The following GRIN2C variants were observed in gnomAD, a reference collection of about 807,000 sequenced individuals.
GRIN2C encodes glutamate receptor ionotropic, NMDA 2C.
Under a neutral mutation model 77.7 loss-of-function variants are expected in GRIN2C, and 64 were observed. The observed-to-expected ratio is 0.82, with a 90% CI of 0.67 to 1.01. The LOEUF (loss-of-function observed/expected upper bound fraction) is 1.01, where lower values mean the gene tolerates loss of function less well. Among genes scored for constraint, GRIN2C ranks in the 50% least tolerant of loss-of-function variants. The pLI is 0.00. For missense variants in GRIN2C, 1,549 were observed against 1,486.0 expected, an observed-to-expected ratio of 1.04 and a Z score of -0.70; for synonymous variants, 792 against 643.4, an observed-to-expected ratio of 1.23 and a Z score of -3.49.
At chr17:74,851,216 C>G (rs2037632920) in intron 4 of GRIN2C, 1 of 313,688 alleles carries the variant, frequency 3.2e-6, no homozygotes, top group Non-Finnish European at 6.0e-6. Flanking sequence ...TCCTCATCTC[C>G]AATCCCACAA....
At position 74,842,719 on chromosome 17, in the gene GRIN2C, C is replaced by T. The variant is rs1356695309; in HGVS notation, c.3418G>A (p.Ala1140Thr). 1.4e-6 allele frequency: 1 copy of T among 709,848 alleles called. No individual in the cohort carries two copies. Among genetic ancestry groups the T allele is most frequent in the Admixed American group, 2.0e-5 (1 of 49,692 alleles). 44.0% of individuals were successfully genotyped at this position (709,848 alleles called of 1,614,324 possible). ...TGCTGTCTGTGCTGCCAGGCGGGGG[C>T]CCCTGCCTGCTCGCCCTCCTGGCAG... ...EACQEGEQAG[A>T]PAWQHRQHVC... Residue 1140 changes from alanine (A) to threonine (T), a missense_variant, in exon 13 of 13, where the codon GCC becomes ACC. Ala to Thr is a moderately conservative substitution (Grantham distance 58). This residue lies in a region of GRIN2C where 450 missense variants were observed against 267.9 expected (regional missense o/e 1.68). Coordinates refer to ENST00000293190, the MANE Select transcript of GRIN2C (RefSeq NM_000835.6).
rs1211194699 is a variant in GRIN2C, at chr17:74,854,690, G to T, written c.399+4C>A. 2 of 1,601,408 alleles carry T rather than the reference G, an allele frequency of 1.2e-6. No homozygotes were observed. Among genetic ancestry groups the T allele is most frequent in the Admixed American group, 3.3e-5 (2 of 59,704 alleles). ...CACGAGGGGACATGAGTTTGGACAT[G>T]CACCTTGGGGGTGAGGACCACAGCA... On this transcript the variant is annotated splice_donor_region_variant and intron_variant, in intron 2 of 12. Transcript: ENST00000293190.
intron 3 of GRIN2C, 129 bp from the exon 4 acceptor site, chr17:74,851,820 C>T: frequency 1.4e-6 from 1 of 711,006 alleles, no homozygotes; most frequent in Non-Finnish European, 2.5e-6. Context: ...CTATATTGGC[C>T]CCACGATCCT....
Position 74,846,951 on chromosome 17 carries a change from C to T in GRIN2C, c.2002-31G>A. The T allele has an allele frequency of 6.3e-7, 1 of 1,588,426 alleles. No homozygotes were observed. Among genetic ancestry groups the T allele is most frequent in the Non-Finnish European group, 8.6e-7 (1 of 1,165,520 alleles). On this transcript the variant is annotated intron_variant, in intron 9 of 12. Transcript: ENST00000293190. The surrounding 1 kb of genome is among the most constrained non-coding windows in gnomAD (Gnocchi z 4.4). ...GGCGGAGGGCAGCAGCCAGTCACAA[C>T]CCTTCCTCCAGCCTTCCAGGCACCA... is the stretch of plus-strand genomic sequence containing the variant.
chr17:74,847,270 GT>G lies in GRIN2C; in HGVS notation c.2001+37del. Reference sequence around the variant, plus strand: ...CACTCACGGCCTGTCCCCACCCTCAGTGCCCCCCCCCACCCCCAGCAGCTAT... The same window carrying G: ...CACTCACGGCCTGTCCCCACCCTCAGGCCCCCCCCCACCCCCAGCAGCTAT... On this transcript the variant is annotated intron_variant, in intron 9 of 12. Coordinates refer to ENST00000293190, the MANE Select transcript of GRIN2C (RefSeq NM_000835.6). This position sits in a 1 kb window ranked among gnomAD's most constrained non-coding sequence, Gnocchi z 5.2. 3.2e-6 allele frequency: 2 copies of G among 625,008 alleles called. No homozygotes were observed. The highest frequency in any genetic ancestry group is 5.8e-6 in the Non-Finnish European group (2 of 342,006). The allele number at this position is 625,008 out of a possible 1,614,324, so 38.7% of individuals were successfully genotyped here.
At chr17:74,853,217 G>C (rs534353) in intron 2 of GRIN2C, 111,104 of 152,134 alleles carry the variant, frequency 0.73, 40,798 homozygotes, top group Admixed American at 0.79. Context: ...ACCGGGGCCA[G>C]CGCAGTCCCC....
chr17:74,854,791 GTGTCCACGT>G lies in GRIN2C; in HGVS notation c.293_301del (p.Asn98_Asp100del). ...GTCAAGGATCTGGGCCACCGCCTCG[GTGTCCACGT>G]TGTCCTCAAAGACAATGCCGTGGAC... is the stretch of plus-strand genomic sequence containing the variant. On this transcript the variant is annotated inframe_deletion, in exon 2 of 13. Coordinates refer to ENST00000293190, the MANE Select transcript of GRIN2C (RefSeq NM_000835.6). The G allele has an allele frequency of 6.2e-7, 1 of 1,613,822 alleles. No homozygotes were observed. Among genetic ancestry groups the G allele is most frequent in the Non-Finnish European group, 8.5e-7 (1 of 1,179,728 alleles).
Position 74,844,329 on chromosome 17 carries a change from G to A in GRIN2C, c.2530C>T (p.Arg844Cys), listed in dbSNP as rs765344638. 2.9e-5 allele frequency: 46 copies of A among 1,613,964 alleles called. No individual in the cohort carries two copies. Among genetic ancestry groups the A allele is most frequent in the South Asian group, 4.4e-5 (4 of 91,086 alleles). The change falls in exon 12 of 13, where the codon CGC (arginine) becomes TGC (cysteine). Residue 844 changes from arginine to cysteine, a missense_variant. By Grantham distance (180) the Arg-to-Cys change is radical. Coordinates refer to ENST00000293190, the MANE Select transcript of GRIN2C (RefSeq NM_000835.6). ...TGGGATGAGTTGGGCACCGAGTGGC[G>A]CAGCTTCCAGTAGACCAGGTGCTCC... ...AWEHLVYWKL[R>C]HSVPNSSQLD...
Position 74,859,155 on chromosome 17 carries a change from A to G in GRIN2C, c.-16+589T>C, listed in dbSNP as rs1238793525. The stretch of plus-strand genomic sequence containing the variant: ...TCCTTGAGGGCAGACACATTGTCTC[A>G]GAGACCTCTGCCCACCCACCCACTC... On this transcript the variant is annotated intron_variant, in intron 1 of 12. Transcript: ENST00000293190. This position sits in a 1 kb window ranked among gnomAD's most constrained non-coding sequence, Gnocchi z 5.9. 6.6e-6 allele frequency among the ~76,000 whole-genome samples: 1 copy of G among 152,162 alleles called. No homozygotes were observed. Among genetic ancestry groups the G allele is most frequent in the African/African-American group, 2.4e-5 (1 of 41,440 alleles).
At position 74,846,040 on chromosome 17, in the gene GRIN2C, G is replaced by C. The variant is rs2037444497; in HGVS notation, c.2350+26C>G. 1.2e-6 allele frequency: 2 copies of C among 1,607,044 alleles called. No individual in the cohort carries two copies. Among genetic ancestry groups the C allele is most frequent in the South Asian group, 2.2e-5 (2 of 90,914 alleles). ...ACCTTGGGCTCCACAGCCCACCCTG[G>C]GCATCCCAGCAATGGCAGTACCCAC... On this transcript the variant is annotated intron_variant, in intron 11 of 12. Transcript: ENST00000293190. This position sits in a 1 kb window ranked among gnomAD's most constrained non-coding sequence, Gnocchi z 4.4.
chr17:74,843,606 C>G (rs374622625), intron 12 of GRIN2C, 53 bp from the exon 13 acceptor site: 65 of 1,521,778 alleles, frequency 4.3e-5, no homozygotes, highest in Non-Finnish European at 5.3e-5. Context: ...CTCAGGGACC[C>G]GCCACGATTG....
chr17:74,850,092 G>A lies in GRIN2C; in HGVS notation c.1491+114C>T, dbSNP rs2037587714. On this transcript the variant is annotated intron_variant, in intron 6 of 12. Transcript: ENST00000293190. The surrounding 1 kb of genome is among the most constrained non-coding windows in gnomAD (Gnocchi z 5.3). ...GCTTTCAGTACTGACCACCCCAGGA[G>A]TCATCATTGGTGACAGCCCATGCCC... The A allele has an allele frequency of 2.2e-6, 3 of 1,363,548 alleles. No homozygotes were observed. Among genetic ancestry groups the A allele is most frequent in the East Asian group, 4.6e-5 (2 of 43,656 alleles). The allele number at this position is 1,363,548 out of a possible 1,614,324, so 84.5% of individuals were successfully genotyped here.
At chr17:74,853,295 G>T (rs1188498188) in intron 2 of GRIN2C, 1 of 152,160 alleles carries the variant, frequency 6.6e-6, no homozygotes, top group Non-Finnish European at 1.5e-5. Flanking sequence ...AAATTCAGAG[G>T]CCAAGCAACG....
Position 74,852,285 on chromosome 17 carries a change from C to T in GRIN2C, c.726G>A (p.Gln242=). 2.1e-6 allele frequency: 3 copies of T among 1,420,778 alleles called. No individual in the cohort carries two copies. Among genetic ancestry groups the T allele is most frequent in the Non-Finnish European group, 2.7e-6 (3 of 1,094,432 alleles). The allele number at this position is 1,420,778 out of a possible 1,614,324, so 88.0% of individuals were successfully genotyped here. ...EAEVLFAEAA[Q]AGLVGPGHVW... ...CGTGGCCGGGCCCCACCAGACCGGC[C>T]TGCGCCGCCTCGGCGAAGAGCACCT... Residue 242 remains glutamine, a synonymous_variant, in exon 3 of 13, where the codon CAG becomes CAA. Coordinates refer to ENST00000293190, the MANE Select transcript of GRIN2C (RefSeq NM_000835.6).
At chr17:74,853,569 C>T (rs1318680052) in intron 2 of GRIN2C, 1 of 151,988 alleles carries the variant, frequency 6.6e-6, no homozygotes, top group Admixed American at 6.5e-5. Flanking sequence ...GTTCTTAAGC[C>T]CTTATCTGCC....
Position 74,842,627 on chromosome 17 carries a change from G to C in GRIN2C, c.3510C>G (p.Pro1170=), listed in dbSNP as rs368836665. Residue 1170 remains proline (P), a synonymous_variant, in exon 13 of 13, where the codon CCC becomes CCG. Coordinates refer to ENST00000293190, the MANE Select transcript of GRIN2C (RefSeq NM_000835.6). ...CWGAVCPHLP[P]CASHGSWLSG... is the part of the protein sequence containing the mutation. ...AGAGCCAGGAGCCGTGGCTGGCACA[G>C]GGTGGAAGGTGAGGACAGACAGCCC... 6 of 757,036 alleles carry C rather than the reference G, an allele frequency of 7.9e-6. No homozygotes were observed. Among genetic ancestry groups the C allele is most frequent in the East Asian group, 2.5e-5 (1 of 40,042 alleles). 46.9% of individuals were successfully genotyped at this position (757,036 alleles called of 1,614,324 possible).
At chr17:74,854,285 C>G (rs547651497) in intron 2 of GRIN2C, 79 of 173,132 alleles carry the variant, frequency 4.6e-4, no homozygotes, top group Non-Finnish European at 3.3e-4. Context: ...TTTCTGCCTC[C>G]CCCAGGGCTC....
At chr17:74,846,000 G>T in intron 11 of GRIN2C, 66 bp downstream of exon 11, 3 of 1,441,798 alleles carry the variant, frequency 2.1e-6, no homozygotes, top group South Asian at 2.3e-5. Flanking sequence ...TTGAGTGGTG[G>T]TGGAAATGCT....
chr17:74,852,206 A>C lies in GRIN2C; in HGVS notation c.805T>G (p.Phe269Val). The C allele has an allele frequency of 6.9e-7, 1 of 1,450,518 alleles. No individual in the cohort carries two copies. The highest frequency in any genetic ancestry group is 9.1e-7 in the Non-Finnish European group (1 of 1,103,838). 89.9% of individuals were successfully genotyped at this position (1,450,518 alleles called of 1,614,324 possible). Residue 269 changes from phenylalanine to valine, a missense_variant, in exon 3 of 13, where the codon TTC (phenylalanine) becomes GTC (valine). Around this residue, in one of 3 missense-constraint regions of GRIN2C, gnomAD observed 717 missense variants for 858.1 expected, o/e 0.84. Transcript: ENST00000293190. Reference protein sequence around the residue: ...LGSTDAPPATFPVGLISVVTE... With the variant: ...LGSTDAPPATVPVGLISVVTE... ...ACGACGCTGATGAGGCCCACGGGGA[A>C]GGTGGCGGGGGGCGCATCGGTGCTG...
Sources: gnomAD v4.1 joint callset for allele counts (sites outside exome capture counted in the v4.1 genomes callset) on GRCh38, gnomAD v4.1.1 for gene constraint, gnomAD v4.1.1 regional missense constraint, Gnocchi (gnomAD v3.1) non-coding constraint, MANE v1.5 for transcripts, NCBI Gene and HGNC (gene_info 2026-07-23, HGNC 2026-07-21) for gene names.